The following SLC35F1 variants were observed in gnomAD, a reference collection of about 807,000 sequenced individuals.
SLC35F1 encodes solute carrier family 35 member F1, also known as chromosome 6 open reading frame 169.
A neutral mutation model predicts 48.7 loss-of-function variants in SLC35F1; 14 were observed. That is an observed-to-expected ratio of 0.29 (90% confidence interval 0.19 to 0.45). The LOEUF is 0.45. Ranked by LOEUF, SLC35F1 falls within the 20% of genes least tolerant of loss-of-function variation. The probability of loss-of-function intolerance (pLI) is 1.00; values close to 1 mark genes in which losing one functional copy is unlikely to be tolerated. For missense variants in SLC35F1, 404 were observed against 500.0 expected (o/e 0.81, Z 1.83); for synonymous variants, 190 against 202.2 (o/e 0.94, Z 0.51).
chr6:118,292,559 C>T (rs1776137490), intron 7 of SLC35F1, among the ~76,000 whole-genome samples: 1 of 152,138 alleles, frequency 6.6e-6, no homozygotes, highest in South Asian at 2.1e-4. Flanking sequence ...TGTCTTTGAG[C>T]AGCTTTCTGG....
At chr6:118,054,387 A>G (rs1157870315) in intron 1 of SLC35F1, among the ~76,000 whole-genome samples, 4 of 152,218 alleles carry the variant, frequency 2.6e-5, no homozygotes, top group African/African-American at 9.7e-5. Context: ...TTTTAGTCAT[A>G]TATCATAATG....
At chr6:118,036,802 C>A (rs938660057) in intron 1 of SLC35F1, among the ~76,000 whole-genome samples, 1 of 152,308 alleles carries the variant, frequency 6.6e-6, no homozygotes, top group Non-Finnish European at 1.5e-5. Flanking sequence ...CTCAAGTGAT[C>A]CTCCTGCCTT....
At chr6:117,981,623 T>C (rs1776782270) in intron 1 of SLC35F1, among the ~76,000 whole-genome samples, 1 of 152,178 alleles carries the variant, frequency 6.6e-6, no homozygotes, top group Non-Finnish European at 1.5e-5. Context: ...TGCATGTTTA[T>C]AGGGGCTGAA....
chr6:118,209,459 A>G (rs925299789), intron 2 of SLC35F1, among the ~76,000 whole-genome samples: 15 of 152,152 alleles, frequency 9.9e-5, no homozygotes, highest in African/African-American at 3.6e-4. Flanking sequence ...TATGCTTAAT[A>G]TTTTATTGTA....
rs1439143087 is a variant in SLC35F1 at position 118,222,108 on chromosome 6, T to A, written c.350-13401T>A. 5.3e-5 allele frequency among the ~76,000 whole-genome samples: 8 copies of A among 152,324 alleles called. No individual in the cohort carries two copies. In the East Asian group the frequency reaches 1.5e-3, roughly 29 times the overall value. ...TGAAGAAATAATCATTTGGCCTATA[T>A]GATCAGTGGTTTAATGCACACATAT... is the stretch of plus-strand genomic sequence containing the variant. On this transcript the variant is annotated intron_variant, in intron 2 of 7. Transcript: ENST00000360388.
intron 1 of SLC35F1, among the ~76,000 whole-genome samples, chr6:118,041,713 CAG>C (rs1435467720): frequency 2.0e-5 from 3 of 152,144 alleles, no homozygotes; most frequent in Non-Finnish European, 2.9e-5. Context: ...AACCGCCCTT[CAG>C]AGATCTTGCA....
intron 3 of SLC35F1, among the ~76,000 whole-genome samples, chr6:118,265,242 G>T (rs930891021): frequency 6.6e-6 from 1 of 152,198 alleles, no homozygotes; most frequent in Admixed American, 6.5e-5. Context: ...TTGCAAATAC[G>T]CAAACCTTTT....
At chr6:118,218,186 C>G (rs141029986) in intron 2 of SLC35F1, among the ~76,000 whole-genome samples, 102 of 152,292 alleles carry the variant, frequency 6.7e-4, no homozygotes, top group African/African-American at 2.4e-3. Context: ...TCAATGGTGT[C>G]TAGGTATGGT....
chr6:118,244,612 G>T (rs1775484290), intron 3 of SLC35F1, among the ~76,000 whole-genome samples: 1 of 152,236 alleles, frequency 6.6e-6, no homozygotes, highest in Admixed American at 6.5e-5. Flanking sequence ...TGGAAAACAT[G>T]TATTTGATCC....
At chr6:117,959,825 T>TG (rs11424320) in intron 1 of SLC35F1, among the ~76,000 whole-genome samples, 2,315 of 152,318 alleles carry the variant, frequency 0.015, 63 homozygotes, top group African/African-American at 0.052. Context: ...CCCCCTACTA[T>TG]GTGATAAACA....
intron 4 of SLC35F1, among the ~76,000 whole-genome samples, chr6:118,272,961 T>C (rs910151924): frequency 6.6e-6 from 1 of 151,374 alleles, no homozygotes; most frequent in African/African-American, 2.4e-5. Context: ...TCTGGTTAAT[T>C]TAATTATGTT....
chr6:118,147,032 T>G (rs1019160376), intron 1 of SLC35F1, among the ~76,000 whole-genome samples: 20 of 152,164 alleles, frequency 1.3e-4, no homozygotes, highest in African/African-American at 4.8e-4. Flanking sequence ...TGTTCTACTT[T>G]ATTAAGGCAT....
rs752872161 is a variant in SLC35F1, at chr6:118,316,795, T to C, written c.*2543T>C. 1.4e-4 allele frequency: 21 copies of C among 152,216 alleles called. No homozygotes were observed. Among genetic ancestry groups the C allele is most frequent in the Non-Finnish European group, 2.6e-4 (18 of 68,032 alleles). 9.4% of individuals were successfully genotyped at this position (152,216 alleles called of 1,614,324 possible). Reference sequence around the variant, plus strand: ...TTGCCGTATACCCTTTATCATTCGGTGTCCTTGTACTCAGACTTTCATGTC... The same window carrying C: ...TTGCCGTATACCCTTTATCATTCGGCGTCCTTGTACTCAGACTTTCATGTC... On this transcript the variant is annotated 3_prime_UTR_variant, in exon 8 of 8. Coordinates refer to ENST00000360388, the MANE Select transcript of SLC35F1 (RefSeq NM_001029858.4).
At chr6:118,187,101 G>T (rs1358802465) in intron 2 of SLC35F1, among the ~76,000 whole-genome samples, 4 of 152,094 alleles carry the variant, frequency 2.6e-5, no homozygotes, top group African/African-American at 7.2e-5. Flanking sequence ...GTTGTGATTT[G>T]TTCACTACCC....
intron 1 of SLC35F1, among the ~76,000 whole-genome samples, chr6:117,945,077 A>C (rs1303815480): frequency 6.6e-6 from 1 of 152,204 alleles, no homozygotes; most frequent in Non-Finnish European, 1.5e-5. Context: ...GACAGATGAT[A>C]ATAAGTTACA....
chr6:118,088,054 C>G (rs949605781), intron 1 of SLC35F1, among the ~76,000 whole-genome samples: 2 of 152,146 alleles, frequency 1.3e-5, no homozygotes, highest in Admixed American at 6.5e-5. Context: ...TACTCCATGA[C>G]AAATCATTGA....
chr6:118,262,176 A>G (rs1775721365), intron 3 of SLC35F1, among the ~76,000 whole-genome samples: 1 of 152,140 alleles, frequency 6.6e-6, no homozygotes, highest in Non-Finnish European at 1.5e-5. Context: ...CATGATGAGC[A>G]CACTTTCGGA....
chr6:118,248,127 C>T (rs1328532054), intron 3 of SLC35F1, among the ~76,000 whole-genome samples: 1 of 152,120 alleles, frequency 6.6e-6, no homozygotes. Context: ...TGAATGATAA[C>T]CGTGTTTGGA....
chr6:118,065,767 T>C (rs184580272), intron 1 of SLC35F1, among the ~76,000 whole-genome samples: 16 of 152,348 alleles, frequency 1.1e-4, no homozygotes, highest in Non-Finnish European at 1.8e-4. Context: ...TCTGTCACCA[T>C]AGACTGTCTT....
Sources: gnomAD v4.1 joint callset for allele counts (sites outside exome capture counted in the v4.1 genomes callset) on GRCh38, gnomAD v4.1.1 for gene constraint, MANE v1.5 for transcripts, NCBI Gene and HGNC (gene_info 2026-07-23, HGNC 2026-07-21) for gene names.